Variants in MROH7 observed in about 807,000 individuals in gnomAD.
The protein encoded by MROH7 is maestro heat like repeat family member 7, also known as maestro heat-like repeat-containing protein family member 7.
A neutral mutation model predicts 129.2 loss-of-function variants in MROH7; 113 were observed. The ratio of observed to expected loss-of-function variants is 0.87; its 90% CI spans 0.75 to 1.02. MROH7 has a LOEUF of 1.02. MROH7 is among the 50% of genes least tolerant of loss of function. The probability of loss-of-function intolerance (pLI) is 0.00; values close to 1 mark genes in which losing one functional copy is unlikely to be tolerated. For missense variants in MROH7, 1,601 were observed against 1,671.3 expected (o/e 0.96, Z 0.73); for synonymous variants, 655 against 667.9 (o/e 0.98, Z 0.30).
In MROH7 at chr1:54,679,260, C is replaced by A; in HGVS notation, c.2050-3C>A. The stretch of plus-strand genomic sequence containing the variant: ...TGTCATGATCTCAGCACCTTTGTTT[C>A]AGGAATTTGGAGACTTCCTGGGGCC... On this transcript the variant is annotated splice_region_variant and splice_polypyrimidine_tract_variant and intron_variant, in intron 11 of 23. Coordinates refer to ENST00000421030, the MANE Select transcript of MROH7 (RefSeq NM_001039464.4). The A allele has an allele frequency of 6.2e-7, 1 of 1,614,022 alleles. No individual in the cohort carries two copies. The highest frequency in any genetic ancestry group is 8.5e-7 in the Non-Finnish European group (1 of 1,179,964).
intron 3 of MROH7, among the ~76,000 whole-genome samples, chr1:54,655,602 A>C (rs1644631682): frequency 6.6e-6 from 1 of 150,988 alleles, no homozygotes; most frequent in African/African-American, 2.4e-5. Flanking sequence ...CTGGTCTTGA[A>C]CTCCTGGCCT....
At chr1:54,699,628 C>T in intron 17 of MROH7, 1 of 160,320 alleles carries the variant, frequency 6.2e-6, no homozygotes, top group Non-Finnish European at 1.4e-5. Context: ...GACCTGAACT[C>T]ATGCAGCAAG....
Position 54,700,457 on chromosome 1 carries a change from A to G in MROH7, c.3101A>G (p.Glu1034Gly). 1.3e-6 allele frequency: 2 copies of G among 1,589,552 alleles called. No individual in the cohort carries two copies. The highest frequency in any genetic ancestry group is 1.3e-5 in the African/African-American group (1 of 74,612). ...CTGGTCATCCTGGCCCGCAGGTCTGAGAAGGTGAGTGGGAGGCAGAGGAAA... is the reference window on the plus strand; with the variant it reads ...CTGGTCATCCTGGCCCGCAGGTCTGGGAAGGTGAGTGGGAGGCAGAGGAAA... Reference protein sequence around the residue: ...RGLVILARRSEKTAKVKALLP... With the variant: ...RGLVILARRSGKTAKVKALLP... Residue 1034 changes from glutamate to glycine, a missense_variant, in exon 18 of 24, where the codon GAG becomes GGG. Glu to Gly is a moderately conservative substitution (Grantham distance 98). Transcript: ENST00000421030.
chr1:54,662,326 A>G (rs1185932038), intron 3 of MROH7, among the ~76,000 whole-genome samples: 1 of 152,082 alleles, frequency 6.6e-6, no homozygotes, highest in African/African-American at 2.4e-5. Context: ...ATTTGAAGCC[A>G]GCAGTTCAAG....
chr1:54,709,909 G>A (rs778050826), intron 23 of MROH7, 37 bp from the exon 24 acceptor site: 8 of 1,598,912 alleles, frequency 5.0e-6, no homozygotes, highest in African/African-American at 2.7e-5. Flanking sequence ...AGGGCCCTGG[G>A]TCTTAATAGG....
intron 3 of MROH7, among the ~76,000 whole-genome samples, chr1:54,657,536 A>G (rs955449986): frequency 1.3e-5 from 2 of 151,252 alleles, no homozygotes; most frequent in African/African-American, 2.4e-5. Context: ...ACACCACTAC[A>G]TCTAGCTAAT....
chr1:54,644,795 A>G (rs1357416438), intron 1 of MROH7, among the ~76,000 whole-genome samples: 1 of 150,346 alleles, frequency 6.7e-6, no homozygotes, highest in Non-Finnish European at 1.5e-5. Context: ...ATGTCCAGCC[A>G]AATAACTTTT....
chr1:54,710,162 C>T lies in MROH7; in HGVS notation c.3947C>T (p.Ser1316Phe), dbSNP rs200978433. Residue 1316 changes from serine (S) to phenylalanine (F), a missense_variant, in exon 24 of 24, where the codon TCC (serine) becomes TTC (phenylalanine). Physicochemically the swap from Ser to Phe is radical, Grantham distance 155. Transcript: ENST00000421030. ...RRSWIMQALG[S>F]WKMSLKK ...TCCTGGATCATGCAGGCACTGGGCT[C>T]CTGGAAGATGTCCTTGAAGAAGTGA... 2.2e-5 allele frequency: 35 copies of T among 1,613,160 alleles called. No individual in the cohort carries two copies. The highest frequency in any genetic ancestry group is 2.9e-5 in the Non-Finnish European group (34 of 1,179,902).
At chr1:54,679,550 AC>A in intron 12 of MROH7, 111 bp downstream of exon 12, 1 of 1,219,260 alleles carries the variant, frequency 8.2e-7, no homozygotes, top group Non-Finnish European at 1.1e-6. Context: ...GTATACCTGA[AC>A]CCCCTAAGCC....
At chr1:54,664,073 G>T in intron 3 of MROH7, 1 of 217,446 alleles carries the variant, frequency 4.6e-6, no homozygotes, top group Middle Eastern at 1.9e-3. Flanking sequence ...TTTCATCCCT[G>T]GACCAATCGC....
At chr1:54,707,955 T>C (rs1411681568) in intron 22 of MROH7, among the ~76,000 whole-genome samples, 1 of 152,104 alleles carries the variant, frequency 6.6e-6, no homozygotes, top group Non-Finnish European at 1.5e-5. Context: ...GAGATAAAAT[T>C]CATAAATCAC....
Position 54,665,168 on chromosome 1 carries a change from A to T in MROH7, c.1233A>T (p.Gly411=). 6.2e-7 allele frequency: 1 copy of T among 1,613,616 alleles called. No individual in the cohort carries two copies. Among genetic ancestry groups the T allele is most frequent in the Non-Finnish European group, 8.5e-7 (1 of 1,179,676 alleles). Residue 411 remains glycine (G), a splice_region_variant and synonymous_variant, in exon 4 of 24, where the codon GGA becomes GGT. Coordinates refer to ENST00000421030, the MANE Select transcript of MROH7 (RefSeq NM_001039464.4). ...DAVTLQGIPE[G]AFDEVTSCLV... Reference sequence around the variant, plus strand: ...TCTCATTGAAATCGTGCCCTGCAGGAGCCTTTGATGAAGTGACCTCATGCC... The same window carrying T: ...TCTCATTGAAATCGTGCCCTGCAGGTGCCTTTGATGAAGTGACCTCATGCC...
chr1:54,705,362 G>A (rs1239744849), intron 21 of MROH7, among the ~76,000 whole-genome samples: 1 of 152,228 alleles, frequency 6.6e-6, no homozygotes, highest in African/African-American at 2.4e-5. Flanking sequence ...TGTCCAGGGT[G>A]CTGAGACTCT....
intron 1 of MROH7, among the ~76,000 whole-genome samples, chr1:54,645,761 C>T (rs1040302637): frequency 5.3e-5 from 8 of 150,346 alleles, no homozygotes; most frequent in Non-Finnish European, 8.8e-5. Flanking sequence ...AAGCAATTCT[C>T]CTGCCTCAGC....
Position 54,653,376 on chromosome 1 carries a change from A to G in MROH7, c.450A>G (p.Glu150=), listed in dbSNP as rs753658186. The change falls in exon 3 of 24, where the codon GAA becomes GAG. Residue 150 remains glutamate, a synonymous_variant. Transcript: ENST00000421030. ...GGAACCACCCTCAGTCAAATTCTGA[A>G]GATGCCTTCAAGTGCCTCTCAAGTA... ...SSGNHPQSNS[E]DAFKCLSSKI... is the part of the protein sequence containing the mutation. The G allele has an allele frequency of 1.2e-6, 2 of 1,614,184 alleles. No individual in the cohort carries two copies.
In MROH7 at chr1:54,709,092, C is replaced by G. The variant is rs1327959619; in HGVS notation, c.3730+16C>G. On this transcript the variant is annotated intron_variant, in intron 23 of 23. Coordinates refer to ENST00000421030, the MANE Select transcript of MROH7 (RefSeq NM_001039464.4). ...GTGAAAGCTGGTAAGTCATGCCCCG[C>G]ATTGGTGAAATTTCAGGGGACAGTG... The G allele has an allele frequency of 1.2e-6, 2 of 1,613,496 alleles. No individual in the cohort carries two copies. Among genetic ancestry groups the G allele is most frequent in the African/African-American group, 2.7e-5 (2 of 74,934 alleles).
At chr1:54,707,539 C>T (rs1645555152) in intron 22 of MROH7, among the ~76,000 whole-genome samples, 1 of 152,142 alleles carries the variant, frequency 6.6e-6, no homozygotes, top group South Asian at 2.1e-4. Context: ...AATGCTGGTG[C>T]AGAAGAAAAA....
At position 54,653,461 on chromosome 1, in the gene MROH7, A is replaced by G. The variant is rs781348564; in HGVS notation, c.535A>G (p.Ile179Val). Residue 179 changes from isoleucine (I) to valine (V), a missense_variant, in exon 3 of 24, where the codon ATA becomes GTA. Coordinates refer to ENST00000421030, the MANE Select transcript of MROH7 (RefSeq NM_001039464.4). ...NPSRHELNPF[I>V]RHHSREGLVL... is the part of the protein sequence containing the mutation. The stretch of plus-strand genomic sequence containing the variant: ...TTCTAGGCATGAATTAAACCCATTT[A>G]TAAGGCACCATTCCAGAGAAGGTCT... 7 of 1,614,204 alleles carry G rather than the reference A, an allele frequency of 4.3e-6. No individual in the cohort carries two copies. The highest frequency in any genetic ancestry group is 2.2e-5 in the East Asian group (1 of 44,880).
In MROH7 at chr1:54,653,766, C is replaced by T; in HGVS notation, c.840C>T (p.Ser280=). 1.9e-6 allele frequency: 3 copies of T among 1,614,172 alleles called. No homozygotes were observed. The highest frequency in any genetic ancestry group is 2.5e-6 in the Non-Finnish European group (3 of 1,180,038). Reference sequence around the variant, plus strand: ...CAAAGGAAACCATGAATGTGGCTTCCAGCGGCCACTCCAGATCTGATTTGA... The same window carrying T: ...CAAAGGAAACCATGAATGTGGCTTCTAGCGGCCACTCCAGATCTGATTTGA... ...TSSKETMNVA[S]SGHSRSDLSV... is the part of the protein sequence containing the mutation. The change falls in exon 3 of 24, where the codon TCC becomes TCT. Residue 280 remains serine, a synonymous_variant. Coordinates refer to ENST00000421030, the MANE Select transcript of MROH7 (RefSeq NM_001039464.4).
Sources: allele counts gnomAD v4.1 joint callset (sites outside exome capture counted in the v4.1 genomes callset), GRCh38; gene constraint gnomAD v4.1.1; transcripts MANE v1.5; gene names NCBI Gene and HGNC (gene_info 2026-07-23, HGNC 2026-07-21).